Variants in PANX1 observed in about 807,000 individuals in gnomAD.
The protein encoded by PANX1 is pannexin-1.
Under a neutral mutation model 38.7 loss-of-function variants are expected in PANX1, and 30 were observed. That is an observed-to-expected ratio of 0.78 (90% CI 0.58 to 1.05). The LOEUF (loss-of-function observed/expected upper bound fraction) is 1.05. Ranked by LOEUF, PANX1 falls within the 50% of genes least tolerant of loss-of-function variation. The pLI, the probability that PANX1 is intolerant of heterozygous loss-of-function variation, is 0.00. For missense variants in PANX1, 551 were observed against 517.2 expected, an observed-to-expected ratio of 1.07 and a Z score of -0.63; for synonymous variants, 230 against 212.2, an observed-to-expected ratio of 1.08 and a Z score of -0.73.
intron 1 of PANX1, 65 bp from the exon 2 acceptor site, chr11:94,153,426 T>G: frequency 6.2e-4 from 957 of 1,539,180 alleles, no homozygotes; most frequent in Non-Finnish European, 7.8e-4. Context: ...TAAAAACATG[T>G]GAGATGGGGA....
intron 1 of PANX1, among the ~76,000 whole-genome samples, chr11:94,152,751 C>T (rs186556308): frequency 9.2e-5 from 14 of 152,338 alleles, no homozygotes; most frequent in African/African-American, 3.4e-4. Context: ...ACGGTAGCAT[C>T]TGCAGAGAGA....
At chr11:94,140,252 C>T (rs190059727) in intron 1 of PANX1, among the ~76,000 whole-genome samples, 1 of 152,252 alleles carries the variant, frequency 6.6e-6, no homozygotes, top group Non-Finnish European at 1.5e-5. Context: ...CCTCACCTTA[C>T]TGCTGGTGTG....
At chr11:94,147,390 T>TC (rs374525452) in intron 1 of PANX1, among the ~76,000 whole-genome samples, 180 of 152,314 alleles carry the variant, frequency 1.2e-3, no homozygotes, top group African/African-American at 3.5e-3. Flanking sequence ...GAACTTTTTT[T>TC]CCACCCAACA....
At chr11:94,171,784 A>G (rs1947171348) in intron 2 of PANX1, among the ~76,000 whole-genome samples, 1 of 144,280 alleles carries the variant, frequency 6.9e-6, no homozygotes, top group Non-Finnish European at 1.5e-5. Flanking sequence ...TTTCTCTCCC[A>G]CTCCATGCAC....
intron 2 of PANX1, among the ~76,000 whole-genome samples, chr11:94,162,067 C>G (rs890685490): frequency 3.9e-5 from 6 of 152,136 alleles, no homozygotes; most frequent in African/African-American, 7.2e-5. Flanking sequence ...GCTGCCTGAT[C>G]GTTCCTCTGG....
At chr11:94,133,775 C>G (rs1296599725) in intron 1 of PANX1, among the ~76,000 whole-genome samples, 1 of 152,190 alleles carries the variant, frequency 6.6e-6, no homozygotes, top group Non-Finnish European at 1.5e-5. Context: ...AGTGGTTTCA[C>G]CAGCCCTCAT....
Position 94,180,045 on chromosome 11 carries a change from T to A in PANX1, c.989T>A (p.Leu330His). 1.9e-6 allele frequency: 3 copies of A among 1,609,920 alleles called. No homozygotes were observed. The highest frequency in any genetic ancestry group is 2.5e-6 in the Non-Finnish European group (3 of 1,177,070). Residue 330 changes from leucine to histidine, a missense_variant, in exon 4 of 5, where the codon CTC becomes CAC. Transcript: ENST00000227638. ...FKSEGYNDLS[L>H]YNLFLEENIS... Reference sequence around the variant, plus strand: ...TCTGAAGGGTACAACGATTTGAGCCTCTACAATCTCTTCTTGGAGGAAAAT... The same window carrying A: ...TCTGAAGGGTACAACGATTTGAGCCACTACAATCTCTTCTTGGAGGAAAAT...
rs751352985 is a variant in PANX1, at chr11:94,178,331, G to A, written c.322-38G>A. The A allele has an allele frequency of 1.7e-5, 25 of 1,473,904 alleles. No individual in the cohort carries two copies. In the African/African-American group the frequency reaches 3.5e-4, roughly 20 times the overall value. The allele number at this position is 1,473,904 out of a possible 1,614,324, so 91.3% of individuals were successfully genotyped here. On this transcript the variant is annotated intron_variant, in intron 2 of 4. Coordinates refer to ENST00000227638, the MANE Select transcript of PANX1 (RefSeq NM_015368.4). Reference sequence around the variant, plus strand: ...TGGCGCCATAGGTTACTGCATGGGGGGTTTGTTAAGCCCATGATTTGTTCT... The same window carrying A: ...TGGCGCCATAGGTTACTGCATGGGGAGTTTGTTAAGCCCATGATTTGTTCT...
intron 1 of PANX1, among the ~76,000 whole-genome samples, chr11:94,131,202 G>T (rs975776390): frequency 6.6e-6 from 1 of 152,168 alleles, no homozygotes; most frequent in Non-Finnish European, 1.5e-5. Flanking sequence ...GGACAGAAAG[G>T]CAGGAGGAAG....
intron 2 of PANX1, chr11:94,175,881 C>A (rs1482853698): frequency 2.0e-6 from 2 of 984,676 alleles, no homozygotes; most frequent in Non-Finnish European, 2.4e-6. Context: ...AGTAAAGCAG[C>A]TGTCTTGGTA....
chr11:94,149,316 T>C (rs1265840612), intron 1 of PANX1, among the ~76,000 whole-genome samples: 1 of 152,158 alleles, frequency 6.6e-6, no homozygotes, highest in African/African-American at 2.4e-5. Flanking sequence ...TAATCATTTA[T>C]AGGTACAGGT....
At chr11:94,149,006 C>T (rs958452231) in intron 1 of PANX1, among the ~76,000 whole-genome samples, 1 of 152,126 alleles carries the variant, frequency 6.6e-6, no homozygotes, top group Non-Finnish European at 1.5e-5. Flanking sequence ...ATCACTGTGC[C>T]TCACACCTCA....
In PANX1 at chr11:94,171,549, C is replaced by G. The variant is rs117331846; in HGVS notation, c.322-6820C>G. ...GGTAGTTGTGTGTCCTGTTCAGAACCAGACTTGGTTCTCCAGGAGCATCCT... is the reference window on the plus strand; with the variant it reads ...GGTAGTTGTGTGTCCTGTTCAGAACGAGACTTGGTTCTCCAGGAGCATCCT... On this transcript the variant is annotated intron_variant, in intron 2 of 4. Coordinates refer to ENST00000227638, the MANE Select transcript of PANX1 (RefSeq NM_015368.4). Among the ~76,000 whole-genome samples the G allele has an allele frequency of 2.3e-4, 35 of 151,662 alleles. 1 individual carries two copies. In the East Asian group the frequency reaches 6.4e-3, roughly 28 times the overall value.
Position 94,147,825 on chromosome 11 carries a change from C to G in PANX1, c.182-5666C>G, listed in dbSNP as rs1054606485. Among the ~76,000 whole-genome samples the G allele has an allele frequency of 6.6e-5, 10 of 152,302 alleles. No homozygotes were observed. In the East Asian group the frequency reaches 1.9e-3, roughly 29 times the overall value. On this transcript the variant is annotated intron_variant, in intron 1 of 4. Coordinates refer to ENST00000227638, the MANE Select transcript of PANX1 (RefSeq NM_015368.4). The stretch of plus-strand genomic sequence containing the variant: ...CTGTCTTGACAGTGCCGTGTCTGAT[C>G]TGTTGGACTCACAGGGGCAAACCAT...
intron 2 of PANX1, chr11:94,175,870 A>C (rs148644245): frequency 1.7e-4 from 172 of 984,714 alleles, no homozygotes; most frequent in Non-Finnish European, 2.0e-4. Context: ...CAGAATGCCA[A>C]AGTAAAGCAG....
chr11:94,180,755 T>C (rs779593755), intron 4 of PANX1, 35 bp from the exon 5 acceptor site: 7 of 1,148,428 alleles, frequency 6.1e-6, no homozygotes, highest in Non-Finnish European at 9.2e-6. Context: ...TCCTGCTATG[T>C]TTCTGTCATA....
chr11:94,129,126 A>C lies in PANX1; in HGVS notation c.-187A>C. Reference sequence around the variant, plus strand: ...CGCCCCGCCGGCGGCGGAGGCAGCGAGCGCGAGAGCCCAGCGGAGTCGCTG... The same window carrying C: ...CGCCCCGCCGGCGGCGGAGGCAGCGCGCGCGAGAGCCCAGCGGAGTCGCTG... On this transcript the variant is annotated 5_prime_UTR_variant, in exon 1 of 5. Transcript: ENST00000227638. 2.2e-6 allele frequency: 1 copy of C among 451,696 alleles called. No individual in the cohort carries two copies. The allele number at this position is 451,696 out of a possible 1,614,324, so 28.0% of individuals were successfully genotyped here.
chr11:94,129,559 G>C (rs766248075), intron 1 of PANX1, 66 bp downstream of exon 1: 13 of 1,414,436 alleles, frequency 9.2e-6, no homozygotes, highest in Non-Finnish European at 1.3e-5. Context: ...GCGATTTTAC[G>C]GCTCACAGGC....
chr11:94,161,673 C>T (rs1947038191), intron 2 of PANX1, among the ~76,000 whole-genome samples: 2 of 152,142 alleles, frequency 1.3e-5, no homozygotes. Flanking sequence ...CGAACTTCCT[C>T]CTTTAGCTCG....
Sources: gnomAD v4.1 joint callset for allele counts (sites outside exome capture counted in the v4.1 genomes callset) on GRCh38, gnomAD v4.1.1 for gene constraint, MANE v1.5 for transcripts, NCBI Gene and HGNC (gene_info 2026-07-23, HGNC 2026-07-21) for gene names.